Variants in PLEKHO1 observed in about 807,000 individuals in gnomAD.
PLEKHO1 encodes pleckstrin homology domain-containing family O member 1.
Under a neutral mutation model 41.4 loss-of-function variants are expected in PLEKHO1, and 22 were observed. The ratio of observed to expected loss-of-function variants is 0.53; its 90% CI spans 0.38 to 0.76. The LOEUF is 0.76. Among genes scored for constraint, PLEKHO1 ranks in the 30% least tolerant of loss-of-function variants. PLEKHO1 has a pLI of 0.00. For synonymous variants in PLEKHO1, 225 were observed against 210.8 expected (o/e 1.07, Z -0.58); for missense variants, 488 against 518.3 (o/e 0.94, Z 0.57).
In PLEKHO1 at chr1:150,157,487, G is replaced by A; in HGVS notation, c.525+1G>A. ...AACAAGGGGACACCTAATGGCTGTG[G>A]TATGTAAGACTGTAATAAACATTGC... On this transcript the variant is annotated splice_donor_variant, in intron 5 of 5. Transcript: ENST00000369124. LOFTEE classifies it high-confidence loss of function. 1 of 1,602,214 alleles carries A rather than the reference G, an allele frequency of 6.2e-7. No homozygotes were observed. Among genetic ancestry groups the A allele is most frequent in the Non-Finnish European group, 8.6e-7 (1 of 1,169,250 alleles).
rs1395264157 is a variant in PLEKHO1, at chr1:150,150,206, C to T, written c.-52C>T. 1 of 976,082 alleles carries T rather than the reference C, an allele frequency of 1.0e-6. No homozygotes were observed. Among genetic ancestry groups the T allele is most frequent in the Non-Finnish European group, 1.2e-6 (1 of 813,492 alleles). 60.5% of individuals were successfully genotyped at this position (976,082 alleles called of 1,614,324 possible). On this transcript the variant is annotated 5_prime_UTR_variant, in exon 1 of 6. Coordinates refer to ENST00000369124, the MANE Select transcript of PLEKHO1 (RefSeq NM_016274.6). The stretch of plus-strand genomic sequence containing the variant: ...GAGCCCCCGCGGTGCCGCCGAGGCC[C>T]CGACGCGGGGCCGCCCCTCGGCTCG...
chr1:150,155,622 A>T (rs1222973523), intron 2 of PLEKHO1: 3 of 154,206 alleles, frequency 1.9e-5, no homozygotes, highest in African/African-American at 7.2e-5. Context: ...AGACACCCCG[A>T]TAACTGGCCC....
chr1:150,157,029 C>G lies in PLEKHO1; in HGVS notation c.423+14C>G, dbSNP rs587606846. The G allele has an allele frequency of 3.3e-6, 5 of 1,523,322 alleles. No individual in the cohort carries two copies. In the African/African-American group the frequency reaches 6.8e-5, roughly 21 times the overall value. The allele number at this position is 1,523,322 out of a possible 1,614,324, so 94.4% of individuals were successfully genotyped here. Reference sequence around the variant, plus strand: ...ATCTTGGATGAGGTCAGGGGGCTCACTGTGGGGAGAGGGAGGAACGCTGGG... The same window carrying G: ...ATCTTGGATGAGGTCAGGGGGCTCAGTGTGGGGAGAGGGAGGAACGCTGGG... On this transcript the variant is annotated intron_variant, in intron 4 of 5. Transcript: ENST00000369124.
At chr1:150,152,746 ACTT>A (rs1320358092) in intron 2 of PLEKHO1, 5 of 145,596 alleles carry the variant, frequency 3.4e-5, no homozygotes, top group Non-Finnish European at 7.5e-5. Context: ...TCTTCCCCGA[ACTT>A]CTTAATTGCA....
intron 5 of PLEKHO1, among the ~76,000 whole-genome samples, chr1:150,158,528 A>C (rs1660270552): frequency 1.4e-3 from 1 of 712 alleles, no homozygotes; most frequent in Non-Finnish European, 2.9e-3. Flanking sequence ...TCTGCTAAAA[A>C]TACAAAAAAA....
At chr1:150,158,678 G>T in intron 5 of PLEKHO1, 141 bp from the exon 6 acceptor site, 1 of 660,984 alleles carries the variant, frequency 1.5e-6, no homozygotes. Flanking sequence ...GACAGAGCAA[G>T]ACTCTGTCTC....
intron 2 of PLEKHO1, chr1:150,153,770 G>A (rs1389747630): frequency 6.6e-6 from 1 of 152,256 alleles, no homozygotes; most frequent in Non-Finnish European, 1.5e-5. Context: ...AGACCTCATG[G>A]TGGAGGAAAT....
At chr1:150,151,368 C>T (rs759846935) in intron 2 of PLEKHO1, among the ~76,000 whole-genome samples, 63 of 152,202 alleles carry the variant, frequency 4.1e-4, no homozygotes, top group Non-Finnish European at 7.5e-4. Context: ...CTAACCTGGC[C>T]TCCTGCATAT....
intron 5 of PLEKHO1, among the ~76,000 whole-genome samples, chr1:150,157,917 A>G (rs975777354): frequency 1.3e-5 from 2 of 152,226 alleles, no homozygotes; most frequent in Admixed American, 6.5e-5. Flanking sequence ...TATAATGCAG[A>G]GAACACAGGC....
Position 150,150,300 on chromosome 1 carries a change from G to GC in PLEKHO1, c.30+16dup. The stretch of plus-strand genomic sequence containing the variant: ...TTCCGCCAAGCGGGTGAGTGCGCTT[G>GC]CCCGCCCTGCGGCCGCCGCCGCCTC... On this transcript the variant is annotated intron_variant, in intron 1 of 5. Coordinates refer to ENST00000369124, the MANE Select transcript of PLEKHO1 (RefSeq NM_016274.6). 2 of 1,086,978 alleles carry GC rather than the reference G, an allele frequency of 1.8e-6. No homozygotes were observed. Among genetic ancestry groups the GC allele is most frequent in the Non-Finnish European group, 2.3e-6 (2 of 888,452 alleles). 67.3% of individuals were successfully genotyped at this position (1,086,978 alleles called of 1,614,324 possible). A position where few individuals can be genotyped will look rare whatever the true frequency, so the allele number is the denominator to read the frequency against.
Position 150,159,540 on chromosome 1 carries a change from G to C in PLEKHO1, c.*17G>C. On this transcript the variant is annotated 3_prime_UTR_variant, in exon 6 of 6. Coordinates refer to ENST00000369124, the MANE Select transcript of PLEKHO1 (RefSeq NM_016274.6). ...CTGATGTGAGGGCAGGGTGGGGTCT[G>C]GAACTTGTCGGGTTGGACAGACTCT... is the stretch of plus-strand genomic sequence containing the variant. The C allele has an allele frequency of 1.3e-6, 2 of 1,516,156 alleles. No homozygotes were observed. 93.9% of individuals were successfully genotyped at this position (1,516,156 alleles called of 1,614,324 possible).
chr1:150,158,401 C>T (rs1315241594), intron 5 of PLEKHO1, among the ~76,000 whole-genome samples: 1 of 152,096 alleles, frequency 6.6e-6, no homozygotes, highest in African/African-American at 2.4e-5. Flanking sequence ...GAGCAGAGGG[C>T]TTTGCCAGGC....
chr1:150,150,362 CG>C, intron 1 of PLEKHO1, 75 bp downstream of exon 1: 1 of 757,420 alleles, frequency 1.3e-6, no homozygotes, highest in South Asian at 5.7e-5. Flanking sequence ...GGCGCCGCGG[CG>C]GCCTGGGAGA....
chr1:150,158,934 C>T lies in PLEKHO1; in HGVS notation c.641C>T (p.Ser214Phe), dbSNP rs781817107. 3.7e-6 allele frequency: 6 copies of T among 1,614,194 alleles called. No individual in the cohort carries two copies. Among genetic ancestry groups the T allele is most frequent in the Non-Finnish European group, 3.4e-6 (4 of 1,180,030 alleles). ...AGCTTTCGGGTTGACCTGGACAAGTCTGTGGCCCAGCTGGCAGGGAGCCGG... is the reference window on the plus strand; with the variant it reads ...AGCTTTCGGGTTGACCTGGACAAGTTTGTGGCCCAGCTGGCAGGGAGCCGG... ...AESFRVDLDK[S>F]VAQLAGSRRR... The change falls in exon 6 of 6, where the codon TCT becomes TTT. Residue 214 changes from serine to phenylalanine, a missense_variant. Ser to Phe is a radical substitution (Grantham distance 155, BLOSUM62 -2). Transcript: ENST00000369124.
At chr1:150,153,349 A>C (rs899260205) in intron 2 of PLEKHO1, 1 of 151,960 alleles carries the variant, frequency 6.6e-6, no homozygotes, top group Non-Finnish European at 1.5e-5. Context: ...CACCACACCC[A>C]GCTAATTTTT....
chr1:150,159,568 T>A lies in PLEKHO1; in HGVS notation c.*45T>A. ...ACTTGTCGGGTTGGACAGACTCTTA[T>A]CTCCGTGTTGCTGGATAAAGCTTTT... On this transcript the variant is annotated 3_prime_UTR_variant, in exon 6 of 6. Coordinates refer to ENST00000369124, the MANE Select transcript of PLEKHO1 (RefSeq NM_016274.6). 1 of 1,272,784 alleles carries A rather than the reference T, an allele frequency of 7.9e-7. No individual in the cohort carries two copies. The highest frequency in any genetic ancestry group is 1.1e-6 in the Non-Finnish European group (1 of 919,384). The allele number at this position is 1,272,784 out of a possible 1,614,324, so 78.8% of individuals were successfully genotyped here.
In PLEKHO1 at chr1:150,159,913, C is replaced by G. The variant is rs1553821873; in HGVS notation, c.*390C>G. On this transcript the variant is annotated 3_prime_UTR_variant, in exon 6 of 6. Coordinates refer to ENST00000369124, the MANE Select transcript of PLEKHO1 (RefSeq NM_016274.6). ...GGGATGAGGATGTTTTCTGTTATGT[C>G]CCACCCCAGGCCTTCAGTTTGAGGG... 1 of 167,706 alleles carries G rather than the reference C, an allele frequency of 6.0e-6. No homozygotes were observed. The highest frequency in any genetic ancestry group is 2.4e-5 in the African/African-American group (1 of 41,942). 10.4% of individuals were successfully genotyped at this position (167,706 alleles called of 1,614,324 possible).
chr1:150,155,989 A>G (rs1660152254), intron 2 of PLEKHO1, 77 bp from the exon 3 acceptor site: 3 of 1,376,914 alleles, frequency 2.2e-6, no homozygotes, highest in African/African-American at 1.4e-5. Context: ...CTGTTTCCCA[A>G]GATGATCTAA....
chr1:150,158,418 G>A (rs1365107030), intron 5 of PLEKHO1, among the ~76,000 whole-genome samples: 1 of 152,176 alleles, frequency 6.6e-6, no homozygotes, highest in Non-Finnish European at 1.5e-5. Flanking sequence ...AGGCAGGGGG[G>A]CTCACACCTG....
Sources: allele counts gnomAD v4.1 joint callset (sites outside exome capture counted in the v4.1 genomes callset), GRCh38; gene constraint gnomAD v4.1.1; transcripts MANE v1.5; gene names NCBI Gene and HGNC (gene_info 2026-07-23, HGNC 2026-07-21).